The following PCDH15 variants were observed in gnomAD, a reference collection of about 807,000 sequenced individuals.
PCDH15 encodes protocadherin-15.
In PCDH15, 129 loss-of-function variants were observed where a neutral mutation model predicts 178.5. That is an observed-to-expected ratio of 0.72 (90% confidence interval 0.63 to 0.84). The LOEUF is 0.84. Ranked by LOEUF, PCDH15 falls within the 40% of genes least tolerant of loss-of-function variation. PCDH15 has a pLI of 0.00. For missense variants in PCDH15, 2,230 were observed against 2,099.9 expected (o/e 1.06, Z -1.21); for synonymous variants, 800 against 732.0 (o/e 1.09, Z -1.50).
At chr10:54,174,706 T>TTC (rs769839475) in intron 13 of PCDH15, among the ~76,000 whole-genome samples, 12,387 of 129,368 alleles carry the variant, frequency 0.096, 1,178 homozygotes, top group African/African-American at 0.27. Flanking sequence ...TCTTTTCTTT[T>TTC]TTTTTTTTTT....
intron 3 of PCDH15, among the ~76,000 whole-genome samples, chr10:54,392,067 T>C (rs1177485816): frequency 6.6e-6 from 1 of 152,168 alleles, no homozygotes; most frequent in African/African-American, 2.4e-5. Flanking sequence ...AAAATCAACT[T>C]TTAGTTATAT....
chr10:55,280,444 ATTT>A (rs1170034467), intron 1 of PCDH15, among the ~76,000 whole-genome samples: 5 of 92,056 alleles, frequency 5.4e-5, no homozygotes, highest in African/African-American at 2.2e-4. Flanking sequence ...GCACCCAGCT[ATTT>A]TTTTTTTTTT....
intron 2 of PCDH15, among the ~76,000 whole-genome samples, chr10:54,979,530 G>A (rs189334709): frequency 6.6e-5 from 10 of 152,008 alleles, no homozygotes; most frequent in Admixed American, 3.3e-4. Flanking sequence ...TTAGCCAGAC[G>A]TGGTGATACG....
At chr10:54,088,374 A>G (rs1327392738) in intron 16 of PCDH15, among the ~76,000 whole-genome samples, 2 of 152,166 alleles carry the variant, frequency 1.3e-5, no homozygotes, top group East Asian at 1.9e-4. Context: ...AGAAATATCT[A>G]TTCAAATATT....
chr10:54,455,673 AT>A (rs1286751512), intron 3 of PCDH15, among the ~76,000 whole-genome samples: 1 of 152,158 alleles, frequency 6.6e-6, no homozygotes, highest in Admixed American at 6.5e-5. Context: ...AGAAAATCTC[AT>A]TTTCTGGGGA....
intron 2 of PCDH15, among the ~76,000 whole-genome samples, chr10:55,358,668 A>T (rs559260528): frequency 6.6e-6 from 1 of 152,056 alleles, no homozygotes; most frequent in Non-Finnish European, 1.5e-5. Flanking sequence ...CCCATTTTGC[A>T]GTAGATGGAA....
intron 8 of PCDH15, among the ~76,000 whole-genome samples, chr10:54,272,097 A>G (rs1335724057): frequency 6.8e-6 from 1 of 146,370 alleles, no homozygotes; most frequent in Non-Finnish European, 1.5e-5. Flanking sequence ...AATCATACTT[A>G]ATAATGTAGT....
chr10:55,107,106 C>T (rs1202753052), intron 2 of PCDH15, among the ~76,000 whole-genome samples: 2 of 152,122 alleles, frequency 1.3e-5, no homozygotes, highest in Non-Finnish European at 2.9e-5. Flanking sequence ...ATTTAAAGTC[C>T]ACCTCTTGAA....
chr10:55,395,110 T>C (rs1315016996), intron 2 of PCDH15, among the ~76,000 whole-genome samples: 1 of 151,972 alleles, frequency 6.6e-6, no homozygotes, highest in Non-Finnish European at 1.5e-5. Context: ...AGTTTCCTTA[T>C]TTGGTCATGA....
At chr10:55,574,274 T>C (rs1156611651) in intron 2 of PCDH15, among the ~76,000 whole-genome samples, 2 of 152,002 alleles carry the variant, frequency 1.3e-5, no homozygotes, top group African/African-American at 4.8e-5. Context: ...TGGTAATTCG[T>C]AGGTTTCTCT....
chr10:54,213,894 CA>C (rs1450024167), intron 10 of PCDH15, 41 bp downstream of exon 10: 1 of 1,235,782 alleles, frequency 8.1e-7, no homozygotes, highest in Admixed American at 1.7e-5. Context: ...ATCTGATTAG[CA>C]GTTCATAAAC....
upstream of PCDH15, among the ~76,000 whole-genome samples, chr10:55,322,808 G>GGT (rs1047031304): frequency 6.6e-6 from 1 of 151,232 alleles, no homozygotes; most frequent in African/African-American, 2.4e-5. Flanking sequence ...AAAAAATGGG[G>GGT]GGGGAGAAAT....
chr10:54,090,357 T>A (rs1483821422), intron 15 of PCDH15, among the ~76,000 whole-genome samples: 1 of 152,186 alleles, frequency 6.6e-6, no homozygotes, highest in Non-Finnish European at 1.5e-5. Flanking sequence ...AAATAAAAGC[T>A]GCTGGCTGGG....
intron 2 of PCDH15, among the ~76,000 whole-genome samples, chr10:55,602,621 G>A (rs1484197082): frequency 1.3e-5 from 2 of 152,088 alleles, no homozygotes; most frequent in African/African-American, 2.4e-5. Context: ...CCCCCCAGCA[G>A]GGGCACACTG....
In PCDH15 at chr10:55,483,304, G is replaced by A. The variant is rs548708595; in HGVS notation, c.-156+144321C>T. Among the ~76,000 whole-genome samples the A allele has an allele frequency of 2.0e-5, 3 of 151,700 alleles. No individual in the cohort carries two copies. In the South Asian group the frequency reaches 6.2e-4, roughly 32 times the overall value. On this transcript the variant is annotated intron_variant, in intron 2 of 5. Coordinates refer to the PCDH15 transcript ENST00000613346. ...TACAAAAAAAAATCCATAAAAAAGTGGGCAAAGTACATAAACAGACTCTTC... is the reference window on the plus strand; with the variant it reads ...TACAAAAAAAAATCCATAAAAAAGTAGGCAAAGTACATAAACAGACTCTTC...
intron 2 of PCDH15, among the ~76,000 whole-genome samples, chr10:54,928,426 T>A (rs1396852138): frequency 6.6e-6 from 1 of 152,146 alleles, no homozygotes; most frequent in Non-Finnish European, 1.5e-5. Flanking sequence ...CTGAAAATGA[T>A]CTTTTGTGAA....
chr10:55,516,831 A>AT (rs960797420), intron 2 of PCDH15, among the ~76,000 whole-genome samples: 4 of 151,964 alleles, frequency 2.6e-5, no homozygotes, highest in Non-Finnish European at 4.4e-5. Flanking sequence ...AAAATTTCAG[A>AT]TTTTTTTTGT....
At chr10:55,233,469 T>C (rs1370329775) in intron 1 of PCDH15, among the ~76,000 whole-genome samples, 5 of 152,160 alleles carry the variant, frequency 3.3e-5, no homozygotes, top group African/African-American at 9.7e-5. Context: ...AGTAAATGCA[T>C]GAGAGTTTAG....
intron 1 of PCDH15, among the ~76,000 whole-genome samples, chr10:55,213,433 G>A (rs1410310547): frequency 6.6e-6 from 1 of 151,940 alleles, no homozygotes; most frequent in East Asian, 1.9e-4. Flanking sequence ...GTTACCAGGG[G>A]TGTACTTTCA....
Sources: gnomAD v4.1 joint callset for allele counts (sites outside exome capture counted in the v4.1 genomes callset) on GRCh38, gnomAD v4.1.1 for gene constraint, MANE v1.5 for transcripts, NCBI Gene and HGNC (gene_info 2026-07-23, HGNC 2026-07-21) for gene names.